The following PIGP variants were observed in gnomAD, a reference collection of about 807,000 sequenced individuals.
The protein encoded by PIGP is phosphatidylinositol glycan anchor biosynthesis class P, also known as phosphatidylinositol N-acetylglucosaminyltransferase subunit P.
PIGP carries 12 observed loss-of-function variants against 16.9 expected under a neutral mutation model. The observed-to-expected ratio is 0.71, with a 90% CI of 0.46 to 1.15. The LOEUF is 1.15. Among genes scored for constraint, PIGP ranks in the 50% most tolerant of loss-of-function variants. The probability of loss-of-function intolerance (pLI) is 0.00; values close to 1 mark genes in which losing one functional copy is unlikely to be tolerated. For missense variants in PIGP, 159 were observed against 153.5 expected (o/e 1.04, Z -0.19); for synonymous variants, 57 against 54.7 (o/e 1.04, Z -0.18).
intron 4 of PIGP, 63 bp downstream of exon 4, chr21:37,067,199 G>C: frequency 2.1e-6 from 2 of 939,434 alleles, no homozygotes; most frequent in Non-Finnish European, 3.4e-6. Context: ...TTGCTTTTCT[G>C]GGTAAAAGTG....
intron 2 of PIGP, among the ~76,000 whole-genome samples, chr21:37,071,373 C>A (rs1046066535): frequency 6.6e-6 from 1 of 152,190 alleles, no homozygotes; most frequent in Admixed American, 6.5e-5. Flanking sequence ...CTTTAAAGGA[C>A]AGTAATAACA....
intron 2 of PIGP, 160 bp downstream of exon 2, chr21:37,072,274 C>T: frequency 6.2e-7 from 1 of 1,608,156 alleles, no homozygotes; most frequent in Non-Finnish European, 8.5e-7. Flanking sequence ...TGCTGGCACA[C>T]GGAACACTCA....
chr21:37,072,478 G>T lies in PIGP; in HGVS notation c.38C>A (p.Ala13Glu), dbSNP rs1180084512. 2 of 1,614,072 alleles carry T rather than the reference G, an allele frequency of 1.2e-6. No individual in the cohort carries two copies. The highest frequency in any genetic ancestry group is 1.7e-6 in the Non-Finnish European group (2 of 1,180,030). Reference protein sequence around the residue: ...ENSPSPLPERAIYGFVLFLSS... With the variant: ...ENSPSPLPEREIYGFVLFLSS... ...TAAGAAAAGAACAAAGCCATAAATCGCTCTTTCTGGCAATGGCGACGGTGA... is the reference window on the plus strand; with the variant it reads ...TAAGAAAAGAACAAAGCCATAAATCTCTCTTTCTGGCAATGGCGACGGTGA... Residue 13 changes from alanine to glutamate, a missense_variant, in exon 2 of 5, where the codon GCG becomes GAG. By Grantham distance (107) the Ala-to-Glu change is moderately radical. Transcript: ENST00000360525.
chr21:37,067,376 A>G lies in PIGP; in HGVS notation c.160T>C (p.Trp54Arg), dbSNP rs1246738299. The change falls in exon 4 of 5, where the codon TGG becomes CGG. Residue 54 changes from tryptophan (W) to arginine (R), a missense_variant. By Grantham distance (101) the Trp-to-Arg change is moderately radical. Coordinates refer to ENST00000360525, the MANE Select transcript of PIGP (RefSeq NM_153682.3). ...AGGTAGACAGGTAATGCAACTGCCC[A>G]ATATCTGCCAAAGAGAATATTAAAG... ...LGLTYWPQKY[W>R]AVALPVYLLI... is the part of the protein sequence containing the mutation. 6.5e-7 allele frequency: 1 copy of G among 1,530,358 alleles called. No homozygotes were observed. Among genetic ancestry groups the G allele is most frequent in the Admixed American group, 1.7e-5 (1 of 59,810 alleles). The allele number at this position is 1,530,358 out of a possible 1,614,324, so 94.8% of individuals were successfully genotyped here. A position where few individuals can be genotyped will look rare whatever the true frequency, so the allele number is the denominator to read the frequency against.
intron 3 of PIGP, among the ~76,000 whole-genome samples, chr21:37,067,862 CTT>C (rs942899682): frequency 6.7e-6 from 1 of 149,640 alleles, no homozygotes. Flanking sequence ...TCTTGTACAA[CTT>C]TTTTTTTTCT....
chr21:37,066,850 ATAATT>A (rs2069911615), intron 4 of PIGP, among the ~76,000 whole-genome samples: 2 of 152,234 alleles, frequency 1.3e-5, no homozygotes, highest in East Asian at 1.9e-4. Flanking sequence ...ATAATTAATT[ATAATT>A]TATTTCCTCC....
In PIGP at chr21:37,072,420, A is replaced by C. The variant is rs1218488954; in HGVS notation, c.82+14T>G. The C allele has an allele frequency of 1.9e-6, 3 of 1,613,972 alleles. 1 individual carries two copies. Among genetic ancestry groups the C allele is most frequent in the South Asian group, 2.2e-5 (2 of 91,080 alleles). On this transcript the variant is annotated intron_variant, in intron 2 of 4. Coordinates refer to ENST00000360525, the MANE Select transcript of PIGP (RefSeq NM_153682.3). ...CAGAAAAAGCCCCTGGCCATCCATC[A>C]GGAAAGTACTTACTGAAGCCAAATT...
chr21:37,071,763 G>C (rs1254772165), intron 2 of PIGP, among the ~76,000 whole-genome samples: 1 of 152,134 alleles, frequency 6.6e-6, no homozygotes, highest in Admixed American at 6.5e-5. Flanking sequence ...GAGAGACTTG[G>C]GACTTGCTGT....
At chr21:37,065,759 T>C in intron 4 of PIGP, 47 bp from the exon 5 acceptor site, 1 of 1,586,482 alleles carries the variant, frequency 6.3e-7, no homozygotes, top group Non-Finnish European at 8.6e-7. Context: ...CAATTTCTTC[T>C]ACAGTCTCTG....
At chr21:37,071,177 T>A (rs11702020) in intron 2 of PIGP, among the ~76,000 whole-genome samples, 1 of 152,146 alleles carries the variant, frequency 6.6e-6, no homozygotes, top group Non-Finnish European at 1.5e-5. Context: ...CTAACACTTA[T>A]TAAGTCCCTA....
intron 4 of PIGP, among the ~76,000 whole-genome samples, chr21:37,066,125 A>T (rs1027152701): frequency 4.6e-5 from 7 of 151,890 alleles, no homozygotes; most frequent in East Asian, 1.9e-4. Context: ...AAATAAAAAT[A>T]AAAAAATAAA....
Position 37,067,249 on chromosome 21 carries a change from T to C in PIGP, c.274+13A>G. On this transcript the variant is annotated intron_variant, in intron 4 of 4. Transcript: ENST00000360525. Reference sequence around the variant, plus strand: ...TTTCATTGCCCCAGCACTTTCCTTTTATATAAAGTTACCTGTGATTGTATG... The same window carrying C: ...TTTCATTGCCCCAGCACTTTCCTTTCATATAAAGTTACCTGTGATTGTATG... 1 of 1,429,774 alleles carries C rather than the reference T, an allele frequency of 7.0e-7. No individual in the cohort carries two copies. The highest frequency in any genetic ancestry group is 9.9e-7 in the Non-Finnish European group (1 of 1,012,654). 88.6% of individuals were successfully genotyped at this position (1,429,774 alleles called of 1,614,324 possible). A position where few individuals can be genotyped will look rare whatever the true frequency, so the allele number is the denominator to read the frequency against.
In PIGP at chr21:37,065,648, A is replaced by G. The variant is rs1601120483; in HGVS notation, c.339T>C (p.Asp113=). 6.2e-7 allele frequency: 1 copy of G among 1,613,352 alleles called. No individual in the cohort carries two copies. The highest frequency in any genetic ancestry group is 8.5e-7 in the Non-Finnish European group (1 of 1,179,502). ...TTTGGTTTACTTCACTAATAGAAAT[A>G]TCTCTTAAGGCTGGAATGGCCTCCT... is the stretch of plus-strand genomic sequence containing the variant. ...YQEEAIPALR[D]ISISEVNQMF... Residue 113 remains aspartate (D), a synonymous_variant, in exon 5 of 5, where the codon GAT becomes GAC. Coordinates refer to ENST00000360525, the MANE Select transcript of PIGP (RefSeq NM_153682.3).
chr21:37,066,335 C>A (rs947233350), intron 4 of PIGP, among the ~76,000 whole-genome samples: 1 of 152,144 alleles, frequency 6.6e-6, no homozygotes, highest in Non-Finnish European at 1.5e-5. Flanking sequence ...TTAACAATTT[C>A]CCCTCTTTGC....
chr21:37,071,877 C>A (rs1309496195), intron 2 of PIGP, among the ~76,000 whole-genome samples: 1 of 152,146 alleles, frequency 6.6e-6, no homozygotes, highest in Admixed American at 6.5e-5. Flanking sequence ...AACGACACAC[C>A]TTTCAACCCG....
intron 1 of PIGP, 148 bp from the exon 2 acceptor site, chr21:37,072,685 G>T: frequency 7.3e-7 from 1 of 1,361,328 alleles, no homozygotes; most frequent in Non-Finnish European, 1.0e-6. Context: ...CCCGCCTCGA[G>T]CGCATACAGA....
intron 2 of PIGP, among the ~76,000 whole-genome samples, chr21:37,071,618 G>A (rs1311127228): frequency 3.9e-5 from 6 of 152,176 alleles, no homozygotes. Context: ...GGTGCAGGCT[G>A]ATATATTTTA....
At chr21:37,071,958 G>A (rs1225684998) in intron 2 of PIGP, among the ~76,000 whole-genome samples, 1 of 152,154 alleles carries the variant, frequency 6.6e-6, no homozygotes, top group Non-Finnish European at 1.5e-5. Flanking sequence ...AGCTCCTCGG[G>A]TCCAAACCCT....
intron 3 of PIGP, among the ~76,000 whole-genome samples, chr21:37,067,845 T>A (rs1232305418): frequency 6.6e-6 from 1 of 152,126 alleles, no homozygotes; most frequent in African/African-American, 2.4e-5. Flanking sequence ...ATTATTATTA[T>A]ATATTTTCTT....
Sources: allele counts gnomAD v4.1 joint callset (sites outside exome capture counted in the v4.1 genomes callset), GRCh38; gene constraint gnomAD v4.1.1; transcripts MANE v1.5; gene names NCBI Gene and HGNC (gene_info 2026-07-23, HGNC 2026-07-21).